Variants in PIP observed in about 807,000 individuals in gnomAD.
The protein encoded by PIP is prolactin induced protein.
PIP carries 9 observed loss-of-function variants against 12.8 expected under a neutral mutation model. The observed-to-expected ratio is 0.70, with a 90% CI of 0.42 to 1.23. The LOEUF (loss-of-function observed/expected upper bound fraction) is 1.23. Among genes scored for constraint, PIP ranks in the 50% most tolerant of loss-of-function variants. The pLI is 0.00. For synonymous variants in PIP, 60 were observed against 66.1 expected (o/e 0.91, Z 0.45); for missense variants, 172 against 179.5 (o/e 0.96, Z 0.24).
chr7:143,132,906 C>G (rs1380226881), intron 1 of PIP, among the ~76,000 whole-genome samples: 1 of 151,968 alleles, frequency 6.6e-6, no homozygotes, highest in Admixed American at 6.6e-5. Context: ...GGAGTTTTCT[C>G]TATAGCAGTA....
Position 143,139,202 on chromosome 7 carries a change from GT to G in PIP, c.316+15del. ...TTTTACACCAACAGTAAGTACAGAA[GT>G]TGTCCAAGGAGGGAACTACCCACCA... On this transcript the variant is annotated intron_variant, in intron 3 of 3. Transcript: ENST00000291009. 7.0e-7 allele frequency: 1 copy of G among 1,431,482 alleles called. No individual in the cohort carries two copies. The highest frequency in any genetic ancestry group is 9.9e-7 in the Non-Finnish European group (1 of 1,012,864). The allele number at this position is 1,431,482 out of a possible 1,614,324, so 88.7% of individuals were successfully genotyped here.
Position 143,139,618 on chromosome 7 carries a change from T to G in PIP, c.417T>G (p.Thr139=). ...VIPIKNNRFY[T]IEILKVE Reference sequence around the variant, plus strand: ...CCATCAAAAACAACCGGTTTTATACTATTGAAATCCTAAAGGTAGAATAAT... The same window carrying G: ...CCATCAAAAACAACCGGTTTTATACGATTGAAATCCTAAAGGTAGAATAAT... Residue 139 remains threonine, a synonymous_variant, in exon 4 of 4, where the codon ACT becomes ACG. Transcript: ENST00000291009. 1 of 1,612,016 alleles carries G rather than the reference T, an allele frequency of 6.2e-7. No homozygotes were observed. The highest frequency in any genetic ancestry group is 2.2e-5 in the East Asian group (1 of 44,874).
rs751269873 is a variant in PIP, at chr7:143,139,571, C to G, written c.370C>G (p.Pro124Ala). Residue 124 changes from proline to alanine, a missense_variant, in exon 4 of 4, where the codon CCT (proline) becomes GCT (alanine). By Grantham distance (27) the Pro-to-Ala change is conservative. Coordinates refer to ENST00000291009, the MANE Select transcript of PIP (RefSeq NM_002652.3). ...VDVIRELGIC[P>A]DDAAVIPIKN... The stretch of plus-strand genomic sequence containing the variant: ...TGTTATTCGGGAATTAGGCATCTGC[C>G]CTGATGATGCTGCTGTAATCCCCAT... The G allele has an allele frequency of 1.2e-6, 2 of 1,611,066 alleles. No homozygotes were observed. Among genetic ancestry groups the G allele is most frequent in the Non-Finnish European group, 1.7e-6 (2 of 1,177,280 alleles).
intron 2 of PIP, among the ~76,000 whole-genome samples, chr7:143,138,024 G>A (rs945316454): frequency 6.6e-6 from 1 of 152,018 alleles, no homozygotes; most frequent in African/African-American, 2.4e-5. Flanking sequence ...GTTTAGGTCT[G>A]AACGGCTACT....
chr7:143,134,183 C>CAT lies in PIP; in HGVS notation c.96-961_96-960dup, dbSNP rs60656573. The stretch of plus-strand genomic sequence containing the variant: ...TTATGGCTGAGTAGTAGTATTCCAT[C>CAT]ATATATATATATATATATATATATA... On this transcript the variant is annotated intron_variant, in intron 1 of 3. Transcript: ENST00000291009. Among the ~76,000 whole-genome samples, 278 of 41,612 alleles carry CAT rather than the reference C, an allele frequency of 6.7e-3. 4 individuals are homozygous for CAT. Among genetic ancestry groups the CAT allele is most frequent in the Non-Finnish European group, 6.9e-3 (161 of 23,272 alleles). The allele number at this position is 41,612 out of a possible 152,430, so 27.3% of individuals were successfully genotyped here. A position where few individuals can be genotyped will look rare whatever the true frequency, so the allele number is the denominator to read the frequency against.
intron 2 of PIP, among the ~76,000 whole-genome samples, chr7:143,135,650 C>G (rs1269700806): frequency 6.6e-6 from 1 of 151,960 alleles, no homozygotes; most frequent in African/African-American, 2.4e-5. Context: ...GAGGGGAGTT[C>G]TCAGAAGAGA....
chr7:143,137,290 G>C (rs1323494402), intron 2 of PIP, among the ~76,000 whole-genome samples: 1 of 152,054 alleles, frequency 6.6e-6, no homozygotes, highest in African/African-American at 2.4e-5. Context: ...GGATTACAGA[G>C]AGAAACTACC....
rs1563017169 is a variant in PIP, at chr7:143,139,159, A to G, written c.286A>G (p.Lys96Glu). Residue 96 changes from lysine to glutamate, a missense_variant, in exon 3 of 4, where the codon AAA becomes GAA. Coordinates refer to ENST00000291009, the MANE Select transcript of PIP (RefSeq NM_002652.3). ...YTACLCDDNP[K>E]TFYWDFYTNR... ...TGCCTGCCTATGTGACGACAATCCA[A>G]AAACCTTCTACTGGGACTTTTACAC... 1 of 1,597,766 alleles carries G rather than the reference A, an allele frequency of 6.3e-7. No homozygotes were observed. The highest frequency in any genetic ancestry group is 8.6e-7 in the Non-Finnish European group (1 of 1,164,802).
At position 143,139,124 on chromosome 7, in the gene PIP, A is replaced by G. The variant is rs199873284; in HGVS notation, c.251A>G (p.Tyr84Cys). Reference sequence around the variant, plus strand: ...ATCCCTCTACAAGGTGCATTTAACTATAAGTATACTGCCTGCCTATGTGAC... The same window carrying G: ...ATCCCTCTACAAGGTGCATTTAACTGTAAGTATACTGCCTGCCTATGTGAC... ...SSIPLQGAFN[Y>C]KYTACLCDDN... The change falls in exon 3 of 4, where the codon TAT becomes TGT. Residue 84 changes from tyrosine (Y) to cysteine (C), a missense_variant. Coordinates refer to ENST00000291009, the MANE Select transcript of PIP (RefSeq NM_002652.3). 69 of 1,605,240 alleles carry G rather than the reference A, an allele frequency of 4.3e-5. No individual in the cohort carries two copies. The Middle Eastern group carries it at 8.2e-4, about 19-fold the overall frequency.
At chr7:143,136,540 G>T (rs1799311867) in intron 2 of PIP, among the ~76,000 whole-genome samples, 2 of 151,952 alleles carry the variant, frequency 1.3e-5, no homozygotes, top group African/African-American at 4.8e-5. Flanking sequence ...ACTAATTTGG[G>T]GTAGGAGCAA....
chr7:143,139,282 C>G, intron 3 of PIP, 93 bp downstream of exon 3: 2 of 898,128 alleles, frequency 2.2e-6, no homozygotes, highest in Non-Finnish European at 3.7e-6. Context: ...CCGAGCAGGA[C>G]CAGGACCTCA....
rs746083361 is a variant in PIP at position 143,132,154 on chromosome 7, C to A, written c.38C>A (p.Ala13Asp). Reference sequence around the variant, plus strand: ...CAGCTCCTGTTCAGGGCCAGCCCTGCCACCCTGCTCCTGGTTCTCTGCCTG... The same window carrying A: ...CAGCTCCTGTTCAGGGCCAGCCCTGACACCCTGCTCCTGGTTCTCTGCCTG... ...LLQLLFRASP[A>D]TLLLVLCLQL... Residue 13 changes from alanine to aspartate, a missense_variant, in exon 1 of 4, where the codon GCC becomes GAC. Coordinates refer to ENST00000291009, the MANE Select transcript of PIP (RefSeq NM_002652.3). The A allele has an allele frequency of 2.5e-6, 4 of 1,611,452 alleles. No individual in the cohort carries two copies. The highest frequency in any genetic ancestry group is 3.4e-6 in the Non-Finnish European group (4 of 1,177,544).
rs762424638 is a variant in PIP at position 143,135,152 on chromosome 7, G to A, written c.96-42G>A. The A allele has an allele frequency of 1.7e-5, 18 of 1,051,680 alleles. 2 individuals carry two copies. Among genetic ancestry groups the A allele is most frequent in the Non-Finnish European group, 2.5e-5 (17 of 677,480 alleles). 65.1% of individuals were successfully genotyped at this position (1,051,680 alleles called of 1,614,324 possible). A position where few individuals can be genotyped will look rare whatever the true frequency, so the allele number is the denominator to read the frequency against. Reference sequence around the variant, plus strand: ...TGGCTCCCCCCTCACTCAAAGATTGGTCTCTGATCCTGGTGTTCTGATTCT... The same window carrying A: ...TGGCTCCCCCCTCACTCAAAGATTGATCTCTGATCCTGGTGTTCTGATTCT... On this transcript the variant is annotated intron_variant, in intron 1 of 3. Transcript: ENST00000291009.
chr7:143,136,965 T>C (rs1267687374), intron 2 of PIP, among the ~76,000 whole-genome samples: 4 of 151,608 alleles, frequency 2.6e-5, no homozygotes, highest in Non-Finnish European at 5.9e-5. Flanking sequence ...TATTTTTAAA[T>C]TTTTATTAAA....
In PIP at chr7:143,139,102, C is replaced by A; in HGVS notation, c.229C>A (p.Pro77Thr). The change falls in exon 3 of 4, where the codon CCT becomes ACT. Residue 77 changes from proline to threonine, a missense_variant. Pro to Thr is a conservative substitution (Grantham distance 38, BLOSUM62 -1). Coordinates refer to ENST00000291009, the MANE Select transcript of PIP (RefSeq NM_002652.3). ...VVKTYLISSIPLQGAFNYKYT... is the reference protein window; with the variant it reads ...VVKTYLISSITLQGAFNYKYT... Reference sequence around the variant, plus strand: ...TAAAACTTACCTCATTAGCAGCATCCCTCTACAAGGTGCATTTAACTATAA... The same window carrying A: ...TAAAACTTACCTCATTAGCAGCATCACTCTACAAGGTGCATTTAACTATAA... The A allele has an allele frequency of 1.3e-6, 2 of 1,591,230 alleles. No individual in the cohort carries two copies. The highest frequency in any genetic ancestry group is 1.7e-6 in the Non-Finnish European group (2 of 1,158,824).
intron 2 of PIP, among the ~76,000 whole-genome samples, chr7:143,137,759 G>A (rs1799325093): frequency 2.0e-5 from 3 of 151,858 alleles, no homozygotes; most frequent in Admixed American, 2.0e-4. Flanking sequence ...AATTAGCCAG[G>A]GCTGGTAGCA....
At chr7:143,135,875 T>C (rs1799304675) in intron 2 of PIP, among the ~76,000 whole-genome samples, 1 of 151,974 alleles carries the variant, frequency 6.6e-6, no homozygotes, top group Non-Finnish European at 1.5e-5. Context: ...CGTTCAGAAG[T>C]CCAATCTCTG....
chr7:143,135,766 CCTT>C (rs1385308900), intron 2 of PIP, among the ~76,000 whole-genome samples: 3 of 152,092 alleles, frequency 2.0e-5, no homozygotes, highest in Non-Finnish European at 4.4e-5. Flanking sequence ...TGTCCTCTTG[CCTT>C]CTTCTGCTCC....
At position 143,135,742 on chromosome 7, in the gene PIP, C is replaced by A. The variant is rs538414639; in HGVS notation, c.201+443C>A. 5.8e-4 allele frequency among the ~76,000 whole-genome samples: 88 copies of A among 152,066 alleles called. 2 individuals are homozygous for A. Among genetic ancestry groups the A allele is most frequent in the Non-Finnish European group, 1.2e-3 (81 of 67,934 alleles). The stretch of plus-strand genomic sequence containing the variant: ...TATGACTCCTCCTCTCCAGTAAGCA[C>A]TGAGCGACTCTACTGTCCTCTTGCC... On this transcript the variant is annotated intron_variant, in intron 2 of 3. Transcript: ENST00000291009.
Sources: allele counts gnomAD v4.1 joint callset (sites outside exome capture counted in the v4.1 genomes callset), GRCh38; gene constraint gnomAD v4.1.1; transcripts MANE v1.5; gene names NCBI Gene and HGNC (gene_info 2026-07-23, HGNC 2026-07-21).